The following CDH12 variants were observed in gnomAD, a reference collection of about 807,000 sequenced individuals.
CDH12 encodes the protein cadherin-12.
CDH12 carries 41 observed loss-of-function variants against 74.1 expected under a neutral mutation model. The ratio of observed to expected loss-of-function variants is 0.55; its 90% CI spans 0.43 to 0.72. The LOEUF is 0.72. Ranked by LOEUF, CDH12 falls within the 30% of genes least tolerant of loss-of-function variation. CDH12 has a pLI of 0.00. For missense variants in CDH12, 945 were observed against 977.2 expected, an observed-to-expected ratio of 0.97 and a Z score of 0.44; for synonymous variants, 399 against 355.0, an observed-to-expected ratio of 1.12 and a Z score of -1.39.
chr5:22,755,673 C>T (rs1745858846), intron 1 of CDH12, among the ~76,000 whole-genome samples: 1 of 152,066 alleles, frequency 6.6e-6, no homozygotes, highest in African/African-American at 2.4e-5. Context: ...TTGTGTTAAG[C>T]TGGTGACACT....
chr5:22,201,025 T>C (rs1750898883), intron 4 of CDH12, among the ~76,000 whole-genome samples: 1 of 152,208 alleles, frequency 6.6e-6, no homozygotes, highest in Non-Finnish European at 1.5e-5. Flanking sequence ...AAATGTATCT[T>C]GAGTTCTGAA....
rs756104501 is a variant in CDH12, at chr5:21,755,766, T to C, written c.1710A>G (p.Val570=). ...RQQELYFLPV[V]IEDSSYPVQS... ...GGACAGGGTAGCTGCTGTCTTCTAT[T>C]ACAACAGGGAGGAAATACAACTCTT... Residue 570 remains valine (V), a synonymous_variant, in exon 14 of 15, where the codon GTA becomes GTG. Coordinates refer to ENST00000382254, the MANE Select transcript of CDH12 (RefSeq NM_004061.5). 4 of 1,613,948 alleles carry C rather than the reference T, an allele frequency of 2.5e-6. No individual in the cohort carries two copies. The highest frequency in any genetic ancestry group is 4.5e-5 in the East Asian group (2 of 44,866).
intron 3 of CDH12, among the ~76,000 whole-genome samples, chr5:22,245,052 G>A (rs1056940119): frequency 1.3e-5 from 2 of 152,162 alleles, no homozygotes; most frequent in African/African-American, 4.8e-5. Context: ...GGCAGAGCAC[G>A]CACGAGGGGA....
chr5:22,198,593 A>C (rs10075792), intron 4 of CDH12, among the ~76,000 whole-genome samples: 4,193 of 152,172 alleles, frequency 0.028, 85 homozygotes, highest in African/African-American at 0.057. Flanking sequence ...GATTGAGATG[A>C]GTAACTCCAG....
At chr5:22,323,323 T>C (rs868275729) in intron 3 of CDH12, among the ~76,000 whole-genome samples, 9 of 152,178 alleles carry the variant, frequency 5.9e-5, no homozygotes, top group African/African-American at 1.7e-4. Flanking sequence ...TAAAAACATA[T>C]GTGCAGCTTT....
chr5:21,883,380 G>A, intron 6 of CDH12: 2 of 1,543,504 alleles, frequency 1.3e-6, no homozygotes, highest in Admixed American at 3.3e-5. Context: ...TCTTGAAATT[G>A]CCAATGCTCA....
intron 6 of CDH12, among the ~76,000 whole-genome samples, chr5:21,920,771 G>A (rs1754318301): frequency 6.6e-6 from 1 of 151,960 alleles, no homozygotes; most frequent in African/African-American, 2.4e-5. Flanking sequence ...GGATGCTGTT[G>A]TCACAAAATT....
At chr5:22,072,794 T>C (rs1742046283) in intron 5 of CDH12, among the ~76,000 whole-genome samples, 1 of 151,768 alleles carries the variant, frequency 6.6e-6, no homozygotes, top group East Asian at 1.9e-4. Flanking sequence ...TCCCACCTAT[T>C]ATTATAACAC....
At chr5:22,081,875 T>C (rs1053201903) in intron 4 of CDH12, among the ~76,000 whole-genome samples, 9 of 152,204 alleles carry the variant, frequency 5.9e-5, no homozygotes, top group Admixed American at 6.5e-5. Flanking sequence ...TGCTAGAATA[T>C]GTGTCTATAG....
intron 5 of CDH12, among the ~76,000 whole-genome samples, chr5:22,054,027 T>G (rs377093593): frequency 8.5e-5 from 13 of 152,168 alleles, no homozygotes; most frequent in African/African-American, 3.1e-4. Context: ...GAACACGACT[T>G]GTTTTTTTTT....
chr5:22,659,771 T>C (rs910241942), intron 1 of CDH12, among the ~76,000 whole-genome samples: 1 of 152,094 alleles, frequency 6.6e-6, no homozygotes, highest in Admixed American at 6.5e-5. Context: ...TCTATACACA[T>C]ACACACAGTT....
chr5:22,778,187 A>C (rs1747201594), intron 1 of CDH12, among the ~76,000 whole-genome samples: 1 of 152,206 alleles, frequency 6.6e-6, no homozygotes, highest in African/African-American at 2.4e-5. Flanking sequence ...AATGTGGATA[A>C]TGTTTTCATT....
In CDH12 at chr5:21,783,528, T is replaced by A. The variant is rs746134074; in HGVS notation, c.1257-34A>T. On this transcript the variant is annotated intron_variant, in intron 10 of 14. Coordinates refer to ENST00000382254, the MANE Select transcript of CDH12 (RefSeq NM_004061.5). ...GAAAAGAGTAGATGCAAATGTGCAATGATTACACATTAATCATAATGGCAC... is the reference window on the plus strand; with the variant it reads ...GAAAAGAGTAGATGCAAATGTGCAAAGATTACACATTAATCATAATGGCAC... 52 of 1,543,134 alleles carry A rather than the reference T, an allele frequency of 3.4e-5. 1 individual carries two copies. In the South Asian group the frequency reaches 5.5e-4, roughly 16 times the overall value.
chr5:22,518,326 T>A (rs192310985), intron 1 of CDH12, among the ~76,000 whole-genome samples: 415 of 152,344 alleles, frequency 2.7e-3, no homozygotes, highest in Non-Finnish European at 4.4e-3. Flanking sequence ...AGCAGAAGTA[T>A]TACAATGGCT....
At chr5:22,806,477 C>T (rs1448386800) in intron 1 of CDH12, among the ~76,000 whole-genome samples, 3 of 151,808 alleles carry the variant, frequency 2.0e-5, no homozygotes, top group Admixed American at 2.0e-4. Flanking sequence ...CTCAGCCTCC[C>T]GAGTAGCTGG....
intron 5 of CDH12, among the ~76,000 whole-genome samples, chr5:22,059,253 C>CCCTATCTA (rs147939422): frequency 1.6e-4 from 23 of 144,218 alleles, no homozygotes; most frequent in African/African-American, 6.0e-4. Context: ...TTTCCTTGTA[C>CCCTATCTA]TCTATCTATC....
chr5:22,617,963 T>C (rs539307188), intron 1 of CDH12, among the ~76,000 whole-genome samples: 2 of 152,272 alleles, frequency 1.3e-5, no homozygotes, highest in South Asian at 4.1e-4. Context: ...ATTATTGATG[T>C]TAAACTGAAT....
At chr5:22,413,302 T>C (rs1035957020) in intron 2 of CDH12, among the ~76,000 whole-genome samples, 9 of 151,922 alleles carry the variant, frequency 5.9e-5, no homozygotes, top group African/African-American at 2.2e-4. Flanking sequence ...CAAAATGCAT[T>C]AGAATTTAAG....
chr5:22,097,655 C>T (rs1407709707), intron 4 of CDH12, among the ~76,000 whole-genome samples: 1 of 152,072 alleles, frequency 6.6e-6, no homozygotes, highest in Non-Finnish European at 1.5e-5. Flanking sequence ...GCTACAGCCA[C>T]ACCTCACTGC....
Sources: gnomAD v4.1 joint callset for allele counts (sites outside exome capture counted in the v4.1 genomes callset) on GRCh38, gnomAD v4.1.1 for gene constraint, MANE v1.5 for transcripts, NCBI Gene and HGNC (gene_info 2026-07-23, HGNC 2026-07-21) for gene names.